The following DYSF variants were observed in gnomAD, a reference collection of about 807,000 sequenced individuals.
DYSF encodes dysferlin.
A neutral mutation model predicts 274.9 loss-of-function variants in DYSF; 212 were observed. The observed-to-expected ratio is 0.77, with a 90% CI of 0.69 to 0.86. The LOEUF is 0.86. Ranked by LOEUF, DYSF falls within the 40% of genes least tolerant of loss-of-function variation. The pLI, the probability that DYSF is intolerant of heterozygous loss-of-function variation, is 0.00. For synonymous variants in DYSF, 1,091 were observed against 1,078.7 expected, an observed-to-expected ratio of 1.01 and a Z score of -0.22; for missense variants, 2,666 against 2,783.2, an observed-to-expected ratio of 0.96 and a Z score of 0.95.
intron 41 of DYSF, among the ~76,000 whole-genome samples, chr2:71,641,370 G>T (rs961862784): frequency 6.6e-6 from 1 of 151,622 alleles, no homozygotes; most frequent in Admixed American, 6.6e-5. Context: ...TAGTAGAGAC[G>T]GGGTTTCACC....
At chr2:71,528,854 C>T (rs1180128934) in intron 14 of DYSF, among the ~76,000 whole-genome samples, 1 of 152,170 alleles carries the variant, frequency 6.6e-6, no homozygotes, top group Non-Finnish European at 1.5e-5. Flanking sequence ...CCTTGCAGCC[C>T]ACCTTCCTGC....
chr2:71,526,330 C>T lies in DYSF; in HGVS notation c.1260C>T (p.Ala420=), dbSNP rs764542175. ...GAHFCLKVFR[A]EDLPQMDDAV... ...ACTTCTGCCTGAAGGTCTTCCGGGC[C>T]GAGGACTTGCCGCAGAGTGCGTGGG... The change falls in exon 13 of 56, where the codon GCC becomes GCT. Residue 420 remains alanine (A), a synonymous_variant. Transcript: ENST00000410020. 15 of 1,553,002 alleles carry T rather than the reference C, an allele frequency of 9.7e-6. No homozygotes were observed. Among genetic ancestry groups the T allele is most frequent in the African/African-American group, 6.9e-5 (5 of 72,046 alleles).
chr2:71,625,715 T>G (rs1208134541), intron 41 of DYSF, among the ~76,000 whole-genome samples: 1 of 152,176 alleles, frequency 6.6e-6, no homozygotes, highest in African/African-American at 2.4e-5. Context: ...GACAGAGTTA[T>G]AGTGAATTGC....
intron 1 of DYSF, among the ~76,000 whole-genome samples, chr2:71,472,666 A>C (rs541482410): frequency 6.6e-6 from 1 of 152,208 alleles, no homozygotes; most frequent in Non-Finnish European, 1.5e-5. Flanking sequence ...TTGGCCTCCC[A>C]AAGTGCTGGG....
intron 32 of DYSF, among the ~76,000 whole-genome samples, chr2:71,595,874 C>T (rs561081426): frequency 6.6e-6 from 1 of 152,346 alleles, no homozygotes; most frequent in Non-Finnish European, 1.5e-5. Context: ...ACCTTCCCCT[C>T]CACCGCTTTT....
intron 34 of DYSF, chr2:71,601,169 A>T (rs1291606420): frequency 1.7e-6 from 1 of 587,192 alleles, no homozygotes; most frequent in African/African-American, 1.9e-5. Flanking sequence ...TCCCCGTTGC[A>T]TTGCTGGCTT....
chr2:71,505,264 G>A (rs188785588), intron 4 of DYSF, among the ~76,000 whole-genome samples: 103 of 152,344 alleles, frequency 6.8e-4, no homozygotes, highest in African/African-American at 2.4e-3. Context: ...GTAGTGCGAG[G>A]CAGGGATAAC....
chr2:71,543,323 C>G (rs1317012239), intron 17 of DYSF, among the ~76,000 whole-genome samples: 1 of 151,186 alleles, frequency 6.6e-6, no homozygotes, highest in African/African-American at 2.4e-5. Flanking sequence ...CAGAGACACT[C>G]CTCACTTCCT....
chr2:71,645,149 C>A (rs1223073845), intron 42 of DYSF, among the ~76,000 whole-genome samples: 1 of 152,172 alleles, frequency 6.6e-6, no homozygotes, highest in East Asian at 1.9e-4. Flanking sequence ...CTCAATTAGA[C>A]CCCTGCCTTA....
At chr2:71,673,122 G>A (rs541291470) in intron 51 of DYSF, among the ~76,000 whole-genome samples, 3 of 152,154 alleles carry the variant, frequency 2.0e-5, no homozygotes, top group Non-Finnish European at 2.9e-5. Context: ...GCTCTGACCC[G>A]GCACTCAGGA....
At chr2:71,473,708 T>TA (rs369020105) in intron 1 of DYSF, among the ~76,000 whole-genome samples, 1 of 152,016 alleles carries the variant, frequency 6.6e-6, no homozygotes. Flanking sequence ...CACCTGGACT[T>TA]AAAAAAAATT....
At chr2:71,590,698 T>C (rs2093237678) in intron 32 of DYSF, among the ~76,000 whole-genome samples, 1 of 152,178 alleles carries the variant, frequency 6.6e-6, no homozygotes. Context: ...CAGTTCATCC[T>C]GTGCAAACCT....
intron 40 of DYSF, among the ~76,000 whole-genome samples, chr2:71,618,231 G>GGT (rs1481017592): frequency 2.9e-5 from 2 of 67,822 alleles, no homozygotes; most frequent in African/African-American, 1.1e-4. Flanking sequence ...GTAGAGGTGG[G>GGT]GTGTGTGTGT....
Position 71,635,762 on chromosome 2 carries a change from A to AAAG in DYSF, c.4528-8201_4528-8200insGAA, listed in dbSNP as rs1553397539. 2.2e-4 allele frequency among the ~76,000 whole-genome samples: 24 copies of AAAG among 109,106 alleles called. 1 individual carries two copies. The highest frequency in any genetic ancestry group is 8.1e-4 in the African/African-American group (24 of 29,450). The allele number at this position is 109,106 out of a possible 152,430, so 71.6% of individuals were successfully genotyped here. A position where few individuals can be genotyped will look rare whatever the true frequency, so the allele number is the denominator to read the frequency against. On this transcript the variant is annotated intron_variant, in intron 41 of 55. Transcript: ENST00000410020. ...AGACTCTGTCTCAAAAAAAAAAAAA[A>AAAG]AAAGAAAGAAAAAAGAAAAAGAAAA... is the stretch of plus-strand genomic sequence containing the variant.
chr2:71,517,660 G>C (rs2086799168), intron 10 of DYSF, among the ~76,000 whole-genome samples: 1 of 152,068 alleles, frequency 6.6e-6, no homozygotes, highest in South Asian at 2.1e-4. Flanking sequence ...GTGCGCACGG[G>C]AGTTAGGCTC....
At chr2:71,465,348 A>G (rs547727980), upstream of DYSF, among the ~76,000 whole-genome samples, 12 of 152,270 alleles carry the variant, frequency 7.9e-5, no homozygotes, top group African/African-American at 2.9e-4. Context: ...CGGGCGTTAG[A>G]AGGAGACTGG....
chr2:71,506,380 A>G (rs1573587818), intron 4 of DYSF, among the ~76,000 whole-genome samples: 1 of 152,252 alleles, frequency 6.6e-6, no homozygotes, highest in South Asian at 2.1e-4. Flanking sequence ...GTGGGCCCCA[A>G]GGCAGCAGAC....
chr2:71,454,503 TGCGCCTGGCTGC>T (rs2080970155), intron 1 of DYSF, among the ~76,000 whole-genome samples: 1 of 152,218 alleles, frequency 6.6e-6, no homozygotes, highest in South Asian at 2.1e-4. Context: ...CGCCCCGATC[TGCGCCTGGCTGC>T]TTTCCTGGCC....
Position 71,672,824 on chromosome 2 carries a change from G to A in DYSF, c.5785-1373G>A, listed in dbSNP as rs3791835. On this transcript the variant is annotated intron_variant, in intron 51 of 55. Transcript: ENST00000410020. ...GGCACCTGCAGAAGGGCTGGGGCCC[G>A]GAAAAGGGGGGAGGCACCAGACAGA... is the stretch of plus-strand genomic sequence containing the variant. Among the ~76,000 whole-genome samples, 51 of 152,364 alleles carry A rather than the reference G, an allele frequency of 3.3e-4. No individual in the cohort carries two copies. The East Asian group carries it at 9.3e-3, about 28-fold the overall frequency.
Sources: gnomAD v4.1 joint callset for allele counts (sites outside exome capture counted in the v4.1 genomes callset) on GRCh38, gnomAD v4.1.1 for gene constraint, MANE v1.5 for transcripts, NCBI Gene and HGNC (gene_info 2026-07-23, HGNC 2026-07-21) for gene names.